RBFOX1: variants seen among roughly 807,000 people sequenced by gnomAD.
RBFOX1 encodes the protein RNA binding protein fox-1 homolog 1.
RBFOX1 carries 8 observed loss-of-function variants against 57.7 expected under a neutral mutation model. The observed-to-expected ratio is 0.14, with a 90% CI of 0.08 to 0.25. RBFOX1 has a LOEUF of 0.25. RBFOX1 is among the 10% of genes least tolerant of loss of function. The probability of loss-of-function intolerance (pLI) is 1.00; values close to 1 mark genes in which losing one functional copy is unlikely to be tolerated. For missense variants in RBFOX1, 611 were observed against 548.5 expected, an observed-to-expected ratio of 1.11 and a Z score of -1.14; for synonymous variants, 326 against 222.4, an observed-to-expected ratio of 1.47 and a Z score of -4.15.
At chr16:5,570,240 G>T (rs1596311422) in intron 2 of RBFOX1, among the ~76,000 whole-genome samples, 1 of 152,060 alleles carries the variant, frequency 6.6e-6, no homozygotes, top group South Asian at 2.1e-4. Flanking sequence ...TAGCACACAT[G>T]ATGGGTTTGT....
intron 4 of RBFOX1, among the ~76,000 whole-genome samples, chr16:5,987,022 C>G (rs1409426114): frequency 6.6e-6 from 1 of 152,162 alleles, no homozygotes; most frequent in Non-Finnish European, 1.5e-5. Flanking sequence ...TATTTGCATC[C>G]TCACCAGCTT....
At chr16:5,714,054 T>G (rs1245316362) in intron 3 of RBFOX1, among the ~76,000 whole-genome samples, 1 of 152,208 alleles carries the variant, frequency 6.6e-6, no homozygotes, top group Admixed American at 6.5e-5. Flanking sequence ...TATGAGCCTA[T>G]GCACTCCATA....
At chr16:6,509,013 G>T (rs1003596616) in intron 2 of RBFOX1, among the ~76,000 whole-genome samples, 1 of 152,154 alleles carries the variant, frequency 6.6e-6, no homozygotes, top group Non-Finnish European at 1.5e-5. Context: ...TGGCAGTTAA[G>T]ATCACCCTTC....
chr16:5,841,610 TG>T (rs2056627611), intron 3 of RBFOX1, among the ~76,000 whole-genome samples: 1 of 152,228 alleles, frequency 6.6e-6, no homozygotes, highest in African/African-American at 2.4e-5. Flanking sequence ...TTCCAATATC[TG>T]GGATATACTT....
intron 4 of RBFOX1, among the ~76,000 whole-genome samples, chr16:5,935,009 G>A (rs922557230): frequency 7.2e-5 from 11 of 152,164 alleles, no homozygotes; most frequent in African/African-American, 1.7e-4. Flanking sequence ...GCAGAATATC[G>A]AAGGGTCAAT....
intron 3 of RBFOX1, among the ~76,000 whole-genome samples, chr16:6,901,355 C>G (rs909058285): frequency 6.6e-6 from 1 of 152,124 alleles, no homozygotes; most frequent in Admixed American, 6.5e-5. Flanking sequence ...AATGTCCCAC[C>G]TAGCAAGGCC....
At chr16:5,354,439 G>C (rs2065338112) in intron 1 of RBFOX1, among the ~76,000 whole-genome samples, 1 of 152,186 alleles carries the variant, frequency 6.6e-6, no homozygotes, top group African/African-American at 2.4e-5. Context: ...ACTTGATCTT[G>C]CCAAGCCCCG....
intron 2 of RBFOX1, among the ~76,000 whole-genome samples, chr16:6,550,958 T>C (rs1370154471): frequency 1.3e-5 from 2 of 152,186 alleles, no homozygotes; most frequent in Non-Finnish European, 2.9e-5. Flanking sequence ...TGTTCACTTA[T>C]GGGAATACAA....
intron 3 of RBFOX1, among the ~76,000 whole-genome samples, chr16:6,816,693 C>G (rs1423003513): frequency 2.0e-5 from 3 of 148,136 alleles, no homozygotes; most frequent in Non-Finnish European, 4.4e-5. Flanking sequence ...TGAGCTGAGA[C>G]TGCACCACTG....
chr16:7,025,001 C>G (rs1207722923), intron 3 of RBFOX1, among the ~76,000 whole-genome samples: 1 of 152,092 alleles, frequency 6.6e-6, no homozygotes, highest in East Asian at 1.9e-4. Context: ...CTGTTACAGG[C>G]AAGGGGCTGG....
intron 3 of RBFOX1, among the ~76,000 whole-genome samples, chr16:5,852,931 C>A (rs1295086594): frequency 6.6e-6 from 1 of 152,182 alleles, no homozygotes; most frequent in Non-Finnish European, 1.5e-5. Flanking sequence ...TGCCCCTCCT[C>A]TAGGGCCCCT....
intron 1 of RBFOX1, among the ~76,000 whole-genome samples, chr16:6,186,480 G>A (rs1261302453): frequency 6.6e-6 from 1 of 152,162 alleles, no homozygotes; most frequent in African/African-American, 2.4e-5. Context: ...AGAGTAGACT[G>A]CAGAAACAGA....
In RBFOX1 at chr16:6,770,449, C is replaced by G. The variant is rs569619248; in HGVS notation, c.-16+115799C>G. On this transcript the variant is annotated intron_variant, in intron 3 of 15. Transcript: ENST00000550418. ...GTATACCCAGCTGCACCTATGCAAG[C>G]ATATATTTCTGCGGCAGCTTTTGGG... Among the ~76,000 whole-genome samples the G allele has an allele frequency of 2.0e-5, 3 of 152,324 alleles. No homozygotes were observed. The East Asian group carries it at 5.8e-4, about 29-fold the overall frequency.
chr16:7,207,144 T>A (rs1037175229), intron 4 of RBFOX1, among the ~76,000 whole-genome samples: 2 of 152,220 alleles, frequency 1.3e-5, no homozygotes, highest in African/African-American at 4.8e-5. Context: ...TCTTAGCTGA[T>A]CAGCAAGAGG....
In RBFOX1 at chr16:6,093,710, C is replaced by A. The variant is rs572891209; in HGVS notation, c.-127+73718C>A. Reference sequence around the variant, plus strand: ...AAGTGTAGCTCCCTGCAGCCTTAACCTCCTAGGCTCAAGCGATCCTTTCTC... The same window carrying A: ...AAGTGTAGCTCCCTGCAGCCTTAACATCCTAGGCTCAAGCGATCCTTTCTC... On this transcript the variant is annotated intron_variant, in intron 1 of 15. Coordinates refer to ENST00000550418, the MANE Select transcript of RBFOX1 (RefSeq NM_018723.4). Among the ~76,000 whole-genome samples the A allele has an allele frequency of 1.1e-4, 17 of 152,198 alleles. 2 individuals are homozygous for A. The South Asian group carries it at 2.5e-3, about 22-fold the overall frequency.
At chr16:6,933,067 C>G (rs570026250) in intron 3 of RBFOX1, among the ~76,000 whole-genome samples, 18 of 152,324 alleles carry the variant, frequency 1.2e-4, no homozygotes, top group African/African-American at 3.9e-4. Flanking sequence ...TCACATTTGA[C>G]AAGATTTCTT....
At chr16:7,270,034 A>G (rs557253223) in intron 4 of RBFOX1, among the ~76,000 whole-genome samples, 24 of 152,328 alleles carry the variant, frequency 1.6e-4, no homozygotes, top group Admixed American at 1.5e-3. Flanking sequence ...AACACATATC[A>G]TGCTCTTAAC....
intron 7 of RBFOX1, among the ~76,000 whole-genome samples, chr16:7,589,729 C>T (rs1347143683): frequency 6.6e-6 from 1 of 151,832 alleles, no homozygotes; most frequent in Non-Finnish European, 1.5e-5. Context: ...TTTAGAGGAG[C>T]ATTTCCATTT....
At chr16:7,037,902 A>G (rs149974976) in intron 3 of RBFOX1, among the ~76,000 whole-genome samples, 51 of 152,334 alleles carry the variant, frequency 3.3e-4, no homozygotes, top group African/African-American at 1.1e-3. Flanking sequence ...TGCTGAATCT[A>G]TTTAATTGGG....
Sources: gnomAD v4.1 joint callset for allele counts (sites outside exome capture counted in the v4.1 genomes callset) on GRCh38, gnomAD v4.1.1 for gene constraint, MANE v1.5 for transcripts, NCBI Gene and HGNC (gene_info 2026-07-23, HGNC 2026-07-21) for gene names.